Variants in SEMA6D observed in about 807,000 individuals in gnomAD.
The protein encoded by SEMA6D is semaphorin-6D.
Under a neutral mutation model 106.6 loss-of-function variants are expected in SEMA6D, and 35 were observed. The observed-to-expected ratio is 0.33, with a 90% confidence interval of 0.25 to 0.44. The LOEUF (loss-of-function observed/expected upper bound fraction) is 0.44, where lower values mean the gene tolerates loss of function less well. SEMA6D is among the 20% of genes least tolerant of loss of function. The pLI, the probability that SEMA6D is intolerant of heterozygous loss-of-function variation, is 1.00. For synonymous variants in SEMA6D, 499 were observed against 487.7 expected, an observed-to-expected ratio of 1.02 and a Z score of -0.31; for missense variants, 1,185 against 1,345.9, an observed-to-expected ratio of 0.88 and a Z score of 1.87.
Position 47,192,175 on chromosome 15 carries a change from T to G in SEMA6D, c.-239+7757T>G, listed in dbSNP as rs540057801. On this transcript the variant is annotated intron_variant, in intron 1 of 19. Coordinates refer to the SEMA6D transcript ENST00000558014. ...TCTCCTTAAACACTCAGTGCCTCTG[T>G]CTACACCCTCACTCTCAGATGAAGG... Among the ~76,000 whole-genome samples the G allele has an allele frequency of 6.0e-4, 91 of 152,298 alleles. 1 individual carries two copies. The highest frequency in any genetic ancestry group is 3.4e-3 in the Admixed American group (52 of 15,292).
intron 1 of SEMA6D, among the ~76,000 whole-genome samples, chr15:47,403,185 G>C (rs2040454099): frequency 6.6e-6 from 1 of 152,070 alleles, no homozygotes; most frequent in South Asian, 2.1e-4. Context: ...TCCCTGTGTT[G>C]GCTGGAGGGC....
intron 3 of SEMA6D, among the ~76,000 whole-genome samples, chr15:47,513,913 C>T (rs1321003798): frequency 2.0e-5 from 3 of 152,168 alleles, no homozygotes; most frequent in Non-Finnish European, 4.4e-5. Flanking sequence ...TTGCGCTGGA[C>T]CTGTTTCAAC....
intron 1 of SEMA6D, among the ~76,000 whole-genome samples, chr15:47,743,000 TA>T (rs1355825429): frequency 6.6e-6 from 1 of 152,200 alleles, no homozygotes; most frequent in Non-Finnish European, 1.5e-5. Flanking sequence ...TTTGCATGTC[TA>T]AAGAAAGCAA....
chr15:47,205,516 C>T (rs1431601469), intron 1 of SEMA6D, among the ~76,000 whole-genome samples: 1 of 152,046 alleles, frequency 6.6e-6, no homozygotes, highest in East Asian at 1.9e-4. Flanking sequence ...ATTTGCCAGA[C>T]ACATCAATGT....
At chr15:47,628,797 G>A (rs922462761) in intron 4 of SEMA6D, among the ~76,000 whole-genome samples, 2 of 152,032 alleles carry the variant, frequency 1.3e-5, no homozygotes, top group African/African-American at 4.8e-5. Context: ...TAGTGTCAAG[G>A]CCATGAATTC....
exon 1 of SEMA6D, chr15:47,184,383 C>G (rs1368051213): frequency 1.3e-5 from 2 of 152,442 alleles, no homozygotes; most frequent in Non-Finnish European, 2.9e-5. Flanking sequence ...CCTGCCGAGT[C>G]CGAAGCGGGA....
At chr15:47,258,166 T>C (rs942841843) in intron 1 of SEMA6D, among the ~76,000 whole-genome samples, 2 of 152,200 alleles carry the variant, frequency 1.3e-5, no homozygotes, top group African/African-American at 4.8e-5. Flanking sequence ...ATCAGAGCTT[T>C]CTTTGTTAGC....
intron 3 of SEMA6D, among the ~76,000 whole-genome samples, chr15:47,599,966 C>A (rs1034736069): frequency 2.6e-4 from 39 of 151,790 alleles, no homozygotes; most frequent in African/African-American, 9.4e-4. Context: ...GCTTCCAGTT[C>A]CTAGGGAATT....
At chr15:47,224,356 C>T (rs968953310) in intron 1 of SEMA6D, among the ~76,000 whole-genome samples, 4 of 152,016 alleles carry the variant, frequency 2.6e-5, no homozygotes, top group South Asian at 2.1e-4. Context: ...GTGCTATGGA[C>T]GTAATCATAA....
chr15:47,413,830 TTATAGCAGATCCA>T (rs1416121777), intron 2 of SEMA6D, among the ~76,000 whole-genome samples: 1 of 152,152 alleles, frequency 6.6e-6, no homozygotes, highest in Non-Finnish European at 1.5e-5. Flanking sequence ...TCATGTGGTC[TTATAGCAGATCCA>T]TGGTGCACTG....
chr15:47,619,639 G>A (rs2077064763), intron 4 of SEMA6D, among the ~76,000 whole-genome samples: 1 of 152,200 alleles, frequency 6.6e-6, no homozygotes, highest in South Asian at 2.1e-4. Flanking sequence ...GCATCTTGGG[G>A]AGAGGCCCAG....
rs1321126091 is a variant in SEMA6D at position 47,357,077 on chromosome 15, G to C, written c.-238-55316G>C. On this transcript the variant is annotated intron_variant, in intron 1 of 19. Transcript: ENST00000558014. ...CGGCTGGATGCGGTGGCTCTCGTCT[G>C]TAATCCCAGCACTTTGGGAGGCGGA... Among the ~76,000 whole-genome samples, 15 of 152,040 alleles carry C rather than the reference G, an allele frequency of 9.9e-5. 1 individual carries two copies. In the South Asian group the frequency reaches 2.9e-3, roughly 29 times the overall value.
At chr15:47,521,546 G>A (rs2044577943) in intron 3 of SEMA6D, among the ~76,000 whole-genome samples, 1 of 152,098 alleles carries the variant, frequency 6.6e-6, no homozygotes, top group Non-Finnish European at 1.5e-5. Context: ...TCCTACCATG[G>A]TCACTGCATC....
At position 47,513,039 on chromosome 15, in the gene SEMA6D, C is replaced by T. The variant is rs1863269; in HGVS notation, c.-87+42494C>T. On this transcript the variant is annotated intron_variant, in intron 3 of 19. Transcript: ENST00000558014. The stretch of plus-strand genomic sequence containing the variant: ...CTGTCATTACCCCCAGGAGGTGGCA[C>T]GTTCTCAAATTTCAATAGCTTCTGA... Among the ~76,000 whole-genome samples, 453 of 152,198 alleles carry T rather than the reference C, an allele frequency of 3.0e-3. 1 individual carries two copies. The highest frequency in any genetic ancestry group is 0.01 in the African/African-American group (435 of 41,514).
chr15:47,369,151 G>A (rs1373673476), intron 1 of SEMA6D, among the ~76,000 whole-genome samples: 1 of 152,166 alleles, frequency 6.6e-6, no homozygotes, highest in Admixed American at 6.5e-5. Flanking sequence ...GGGCATTTAA[G>A]TGGCTTCTGG....
rs370815183 is a variant in SEMA6D, at chr15:47,764,625, G to C, written c.1098-13G>C. 1 of 1,613,648 alleles carries C rather than the reference G, an allele frequency of 6.2e-7. No homozygotes were observed. ...GCAGCCGAGAGCATAAAATAACGCT[G>C]TTTTCCTTTCAGGCCTGGCTGTTGT... is the stretch of plus-strand genomic sequence containing the variant. On this transcript the variant is annotated splice_polypyrimidine_tract_variant and intron_variant, in intron 11 of 18. Transcript: ENST00000536845.
At chr15:47,482,097 A>G (rs1261995172) in intron 3 of SEMA6D, among the ~76,000 whole-genome samples, 2 of 152,144 alleles carry the variant, frequency 1.3e-5, no homozygotes, top group Admixed American at 1.3e-4. Context: ...AAAACAAATG[A>G]TTAAGTCTCT....
At chr15:47,282,943 C>T (rs2035194969) in intron 1 of SEMA6D, among the ~76,000 whole-genome samples, 1 of 152,184 alleles carries the variant, frequency 6.6e-6, no homozygotes, top group African/African-American at 2.4e-5. Flanking sequence ...TGCCCCCTCT[C>T]TCCTGCCAGC....
intron 4 of SEMA6D, among the ~76,000 whole-genome samples, chr15:47,622,910 C>T (rs1323483375): frequency 1.3e-5 from 2 of 152,092 alleles, no homozygotes; most frequent in Admixed American, 6.6e-5. Context: ...AAGAGAGTTG[C>T]GGGCATGGCC....
Sources: gnomAD v4.1 joint callset for allele counts (sites outside exome capture counted in the v4.1 genomes callset) on GRCh38, gnomAD v4.1.1 for gene constraint, MANE v1.5 for transcripts, NCBI Gene and HGNC (gene_info 2026-07-23, HGNC 2026-07-21) for gene names.